Variants in NKAIN2 observed in about 807,000 individuals in gnomAD.
NKAIN2 encodes sodium/potassium transporting ATPase interacting 2.
In NKAIN2, 14 loss-of-function variants were observed where a neutral mutation model predicts 32.6. The ratio of observed to expected loss-of-function variants is 0.43; its 90% confidence interval spans 0.28 to 0.67. The LOEUF (loss-of-function observed/expected upper bound fraction) is 0.67, where lower values mean the gene tolerates loss of function less well. Among genes scored for constraint, NKAIN2 ranks in the 30% least tolerant of loss-of-function variants. The probability of loss-of-function intolerance (pLI) is 0.17; values close to 1 mark genes in which losing one functional copy is unlikely to be tolerated. For missense variants in NKAIN2, 198 were observed against 258.3 expected, an observed-to-expected ratio of 0.77 and a Z score of 1.60; for synonymous variants, 80 against 87.2, an observed-to-expected ratio of 0.92 and a Z score of 0.46.
intron 1 of NKAIN2, among the ~76,000 whole-genome samples, chr6:123,959,662 A>T (rs777937887): frequency 2.6e-5 from 4 of 152,046 alleles, no homozygotes; most frequent in Non-Finnish European, 5.9e-5. Context: ...AAATATATTA[A>T]TTGAACTCTA....
rs547911204 is a variant in NKAIN2, at chr6:124,205,252, A to G, written c.55-77753A>G. 2.4e-4 allele frequency among the ~76,000 whole-genome samples: 36 copies of G among 151,976 alleles called. No homozygotes were observed. The South Asian group carries it at 2.9e-3, about 12-fold the overall frequency. Reference sequence around the variant, plus strand: ...GAGGAAGGGCGCAGCATCTCTCAGTATATTCAGTTAGATGCTTCTACACGA... The same window carrying G: ...GAGGAAGGGCGCAGCATCTCTCAGTGTATTCAGTTAGATGCTTCTACACGA... On this transcript the variant is annotated intron_variant, in intron 1 of 6. Coordinates refer to ENST00000368417, the MANE Select transcript of NKAIN2 (RefSeq NM_001040214.3).
At chr6:124,011,120 C>G (rs963379123) in intron 1 of NKAIN2, among the ~76,000 whole-genome samples, 1 of 152,224 alleles carries the variant, frequency 6.6e-6, no homozygotes, top group East Asian at 1.9e-4. Context: ...TTTGCAGAAT[C>G]CAAACAACTT....
At chr6:124,418,542 TTATA>T (rs1417961718) in intron 3 of NKAIN2, among the ~76,000 whole-genome samples, 2 of 146,980 alleles carry the variant, frequency 1.4e-5, no homozygotes, top group Non-Finnish European at 3.0e-5. Context: ...ACAAAAGGGA[TTATA>T]TATTATATAT....
intron 1 of NKAIN2, among the ~76,000 whole-genome samples, chr6:123,911,764 C>T (rs138455320): frequency 0.012 from 1,281 of 107,372 alleles, 16 homozygotes; most frequent in Middle Eastern, 0.021. Context: ...ATAAAATAGT[C>T]GTATATATAC....
chr6:124,761,240 T>TTTC (rs1218113310), intron 4 of NKAIN2, among the ~76,000 whole-genome samples: 5 of 152,192 alleles, frequency 3.3e-5, no homozygotes, highest in African/African-American at 1.2e-4. Flanking sequence ...CTTTATTGCT[T>TTTC]TTCCTATTGC....
intron 3 of NKAIN2, among the ~76,000 whole-genome samples, chr6:124,600,123 C>G (rs191128994): frequency 6.6e-6 from 1 of 152,156 alleles, no homozygotes; most frequent in South Asian, 2.1e-4. Flanking sequence ...GTGAACCAAG[C>G]AGCTGCAATA....
intron 1 of NKAIN2, among the ~76,000 whole-genome samples, chr6:124,147,747 G>A (rs9375309): frequency 0.65 from 98,719 of 152,006 alleles, 32,228 homozygotes; most frequent in East Asian, 0.76. Flanking sequence ...AAGCTTGTTC[G>A]TTTTGCCTCC....
At chr6:124,810,621 T>TA (rs1377822167) in intron 5 of NKAIN2, among the ~76,000 whole-genome samples, 1 of 151,812 alleles carries the variant, frequency 6.6e-6, no homozygotes, top group Non-Finnish European at 1.5e-5. Flanking sequence ...CCCTAAAACT[T>TA]AAAGTATAAT....
At chr6:124,728,489 A>G (rs1178425054) in intron 4 of NKAIN2, among the ~76,000 whole-genome samples, 7 of 113,300 alleles carry the variant, frequency 6.2e-5, no homozygotes, top group Non-Finnish European at 8.9e-5. Context: ...GGCAGAAATA[A>G]AGATGTTCTT....
intron 3 of NKAIN2, among the ~76,000 whole-genome samples, chr6:124,543,306 A>C (rs917768359): frequency 6.6e-6 from 1 of 152,164 alleles, no homozygotes; most frequent in African/African-American, 2.4e-5. Flanking sequence ...CTAGCCAAAT[A>C]ATTAATACCT....
At chr6:124,403,356 A>T (rs1164120649) in intron 3 of NKAIN2, among the ~76,000 whole-genome samples, 5 of 152,150 alleles carry the variant, frequency 3.3e-5, no homozygotes, top group Admixed American at 3.3e-4. Context: ...TAATTCTAAT[A>T]AATTACATAT....
chr6:124,386,837 T>A (rs1024958369), intron 3 of NKAIN2, among the ~76,000 whole-genome samples: 1 of 152,188 alleles, frequency 6.6e-6, no homozygotes, highest in Non-Finnish European at 1.5e-5. Context: ...ATTTGTAAAC[T>A]ATTGATTTCT....
chr6:124,507,684 A>G (rs181380990), intron 3 of NKAIN2, among the ~76,000 whole-genome samples: 1 of 152,270 alleles, frequency 6.6e-6, no homozygotes. Context: ...CCTAATACTC[A>G]AAATACTACA....
intron 1 of NKAIN2, among the ~76,000 whole-genome samples, chr6:124,169,688 GT>G (rs1005412603): frequency 2.0e-5 from 3 of 151,918 alleles, no homozygotes; most frequent in Non-Finnish European, 2.9e-5. Context: ...TAGTGCGTAT[GT>G]TTTTTTTCTC....
intron 5 of NKAIN2, among the ~76,000 whole-genome samples, chr6:124,811,439 G>A (rs997400290): frequency 6.6e-6 from 1 of 151,966 alleles, no homozygotes; most frequent in Non-Finnish European, 1.5e-5. Context: ...ATGATTAAAA[G>A]GTTTAAATAA....
At chr6:124,782,612 G>A (rs1779322048) in intron 4 of NKAIN2, among the ~76,000 whole-genome samples, 1 of 151,952 alleles carries the variant, frequency 6.6e-6, no homozygotes, top group African/African-American at 2.4e-5. Context: ...TATTCAATAT[G>A]GGCAAATTTA....
rs113766768 is a variant in NKAIN2 at position 124,691,670 on chromosome 6, C to T, written c.474+33284C>T. Among the ~76,000 whole-genome samples, 898 of 152,170 alleles carry T rather than the reference C, an allele frequency of 5.9e-3. 7 individuals carry two copies. Among genetic ancestry groups the T allele is most frequent in the Non-Finnish European group, 8.9e-3 (606 of 68,010 alleles). On this transcript the variant is annotated intron_variant, in intron 4 of 6. Coordinates refer to ENST00000368417, the MANE Select transcript of NKAIN2 (RefSeq NM_001040214.3). ...ATACCTCTTTAAAAGTCTACTCTGGCCAAATAAGAATGGAAAAAGTCATCC... is the reference window on the plus strand; with the variant it reads ...ATACCTCTTTAAAAGTCTACTCTGGTCAAATAAGAATGGAAAAAGTCATCC...
At chr6:124,773,341 G>A (rs1430737267) in intron 4 of NKAIN2, among the ~76,000 whole-genome samples, 2 of 152,096 alleles carry the variant, frequency 1.3e-5, no homozygotes, top group Non-Finnish European at 2.9e-5. Flanking sequence ...TGGTGGGGGG[G>A]TCACTGGAAG....
At chr6:123,928,059 AT>A (rs1340298037) in intron 1 of NKAIN2, among the ~76,000 whole-genome samples, 8 of 152,184 alleles carry the variant, frequency 5.3e-5, no homozygotes, top group Admixed American at 1.3e-4. Flanking sequence ...ATGGCATACT[AT>A]GCAGCCACAA....
Sources: allele counts gnomAD v4.1 joint callset (sites outside exome capture counted in the v4.1 genomes callset), GRCh38; gene constraint gnomAD v4.1.1; transcripts MANE v1.5; gene names NCBI Gene and HGNC (gene_info 2026-07-23, HGNC 2026-07-21).